The following TXLNB variants were observed in gnomAD, a reference collection of about 807,000 sequenced individuals.
TXLNB encodes taxilin beta.
TXLNB carries 37 observed loss-of-function variants against 57.4 expected under a neutral mutation model. That is an observed-to-expected ratio of 0.64 (90% CI 0.50 to 0.85). TXLNB has a LOEUF of 0.85. Ranked by LOEUF, TXLNB falls within the 40% of genes least tolerant of loss-of-function variation. TXLNB has a pLI of 0.00. For synonymous variants in TXLNB, 302 were observed against 309.6 expected (o/e 0.98, Z 0.26); for missense variants, 848 against 825.6 (o/e 1.03, Z -0.33).
At chr6:139,247,503 C>T (rs1371830615) in intron 8 of TXLNB, among the ~76,000 whole-genome samples, 2 of 145,214 alleles carry the variant, frequency 1.4e-5, no homozygotes, top group Non-Finnish European at 1.5e-5. Flanking sequence ...GTATATACAC[C>T]ATCATGTTAA....
chr6:139,183,412 C>A, the TXLNB span: 1 of 152,148 alleles, frequency 6.6e-6, no homozygotes, highest in Non-Finnish European at 1.5e-5. Flanking sequence ...CTGAAGAGAT[C>A]GTTGCCAGTT....
chr6:139,163,926 TC>T, the TXLNB span, among the ~76,000 whole-genome samples: 1 of 152,098 alleles, frequency 6.6e-6, no homozygotes, highest in Non-Finnish European at 1.5e-5. Flanking sequence ...AATTCATGTC[TC>T]CTCCACCTCA....
the TXLNB span, among the ~76,000 whole-genome samples, chr6:139,303,901 A>G: frequency 6.6e-6 from 1 of 151,266 alleles, no homozygotes; most frequent in East Asian, 1.9e-4. Context: ...AGGATTCTTA[A>G]GAGAAACATC....
the TXLNB span, among the ~76,000 whole-genome samples, chr6:139,229,690 C>A: frequency 6.6e-6 from 1 of 152,160 alleles, no homozygotes; most frequent in African/African-American, 2.4e-5. Context: ...TGCCCGTTCA[C>A]ATCCCATGCC....
the TXLNB span, among the ~76,000 whole-genome samples, chr6:139,164,796 C>T: frequency 6.6e-6 from 1 of 150,906 alleles, no homozygotes; most frequent in Non-Finnish European, 1.5e-5. Flanking sequence ...CCCCCCACCG[C>T]CCCCCACCGC....
chr6:139,188,111 C>T, the TXLNB span, among the ~76,000 whole-genome samples: 1 of 152,146 alleles, frequency 6.6e-6, no homozygotes, highest in African/African-American at 2.4e-5. Context: ...TCCCAGGGGC[C>T]TTCTTACTAA....
chr6:139,315,121 T>C, the TXLNB span, among the ~76,000 whole-genome samples: 8 of 152,192 alleles, frequency 5.3e-5, no homozygotes. Flanking sequence ...ACTGGTGATC[T>C]GGCTCAACTA....
At chr6:139,188,075 G>A in the TXLNB span, among the ~76,000 whole-genome samples, 2 of 152,156 alleles carry the variant, frequency 1.3e-5, no homozygotes, top group African/African-American at 4.8e-5. Context: ...TCACCAACCA[G>A]TTAGGTGGTA....
At chr6:139,250,084 A>C (rs2114456790) in intron 7 of TXLNB, among the ~76,000 whole-genome samples, 1 of 151,522 alleles carries the variant, frequency 6.6e-6, no homozygotes, top group African/African-American at 2.4e-5. Context: ...GTGTGATCCT[A>C]GCTCACTGCA....
At chr6:139,192,199 C>T in the TXLNB span, among the ~76,000 whole-genome samples, 1 of 152,064 alleles carries the variant, frequency 6.6e-6, no homozygotes, top group African/African-American at 2.4e-5. Context: ...ATTTGGGAAC[C>T]CTCTGGAGTC....
At chr6:139,168,578 G>A in the TXLNB span, among the ~76,000 whole-genome samples, 2 of 151,776 alleles carry the variant, frequency 1.3e-5, no homozygotes, top group African/African-American at 2.4e-5. Flanking sequence ...TTACCCTCCT[G>A]CTTCTACCTG....
chr6:139,279,684 C>A (rs80054148), intron 2 of TXLNB, among the ~76,000 whole-genome samples: 1 of 152,278 alleles, frequency 6.6e-6, no homozygotes, highest in Non-Finnish European at 1.5e-5. Context: ...GAAATAGGGT[C>A]ATTTGGTGAC....
the TXLNB span, among the ~76,000 whole-genome samples, chr6:139,193,840 A>ATATATT: frequency 1.2e-4 from 10 of 85,232 alleles, no homozygotes; most frequent in East Asian, 2.2e-3. Flanking sequence ...ATATATATAT[A>ATATATT]TTTTTTTTTT....
Position 139,242,637 on chromosome 6 carries a change from GCATGCAGGCAC to G in TXLNB, c.1933_1943del (p.Val645ArgfsTer4). On this transcript the variant is annotated frameshift_variant, in exon 10 of 10. Transcript: ENST00000358430. LOFTEE classifies it low-confidence loss of function (END_TRUNC). ...CTCGTGGGGGCTGCCTACTGGGCTC[GCATGCAGGCAC>G]CATGGCTGCAACGTGCTCTTCTGCT... 6.2e-7 allele frequency: 1 copy of G among 1,605,764 alleles called. No homozygotes were observed.
At chr6:139,308,236 G>A in the TXLNB span, among the ~76,000 whole-genome samples, 2 of 152,206 alleles carry the variant, frequency 1.3e-5, no homozygotes, top group Admixed American at 6.5e-5. Context: ...CCATGGGCAT[G>A]TATGGTTATT....
In TXLNB at chr6:139,242,502, A is replaced by C. The variant is rs1775957814; in HGVS notation, c.*24T>G. On this transcript the variant is annotated 3_prime_UTR_variant, in exon 10 of 10. Coordinates refer to ENST00000358430, the MANE Select transcript of TXLNB (RefSeq NM_153235.4). ...GCTGAATATGCAAAGAGGCAGGAAGAAGCCTCTGAAGGCACGGTGAGGCTT... is the reference window on the plus strand; with the variant it reads ...GCTGAATATGCAAAGAGGCAGGAAGCAGCCTCTGAAGGCACGGTGAGGCTT... The C allele has an allele frequency of 6.8e-7, 1 of 1,465,138 alleles. No individual in the cohort carries two copies. Among genetic ancestry groups the C allele is most frequent in the Non-Finnish European group, 9.0e-7 (1 of 1,108,268 alleles). The allele number at this position is 1,465,138 out of a possible 1,614,324, so 90.8% of individuals were successfully genotyped here.
chr6:139,283,848 A>G (rs72990527), intron 2 of TXLNB, among the ~76,000 whole-genome samples: 14,420 of 145,772 alleles, frequency 0.099, 2,422 homozygotes, highest in Non-Finnish European at 0.13. Context: ...CAATGATTAA[A>G]GACATCTTTG....
intron 8 of TXLNB, among the ~76,000 whole-genome samples, chr6:139,245,824 C>T (rs1776054115): frequency 1.3e-5 from 2 of 152,116 alleles, no homozygotes. Flanking sequence ...TCCTGAGTAG[C>T]TGGGATTACA....
downstream of TXLNB, among the ~76,000 whole-genome samples, chr6:139,235,482 CA>C (rs543129916): frequency 1.4e-4 from 21 of 152,200 alleles, no homozygotes; most frequent in South Asian, 4.2e-3. Context: ...TGTGAGGGGC[CA>C]GGGGCAGAAT....
Sources: gnomAD v4.1 joint callset for allele counts (sites outside exome capture counted in the v4.1 genomes callset) on GRCh38, gnomAD v4.1.1 for gene constraint, MANE v1.5 for transcripts, NCBI Gene and HGNC (gene_info 2026-07-23, HGNC 2026-07-21) for gene names.